The following DMD variants were observed in gnomAD, a reference collection of about 807,000 sequenced individuals.
DMD encodes mutant dystrophin.
In DMD, 63 loss-of-function variants were observed where a neutral mutation model predicts 330.1. That is an observed-to-expected ratio of 0.19 (90% CI 0.16 to 0.24). DMD has a LOEUF of 0.24. DMD is among the 10% of genes least tolerant of loss of function. DMD has a pLI of 1.00. For missense variants in DMD, 3,344 were observed against 2,684.1 expected, an observed-to-expected ratio of 1.25 and a Z score of -5.43; for synonymous variants, 1,223 against 959.8, an observed-to-expected ratio of 1.27 and a Z score of -5.07.
At chrX:33,177,176 T>C (rs1241288547) in intron 1 of DMD, among the ~76,000 whole-genome samples, 1 of 111,022 alleles carries the variant, frequency 9.0e-6, no homozygotes, top group East Asian at 2.9e-4. Context: ...GGGGCACATA[T>C]GGCCTTTCAG....
intron 60 of DMD, among the ~76,000 whole-genome samples, chrX:31,427,009 A>G (rs373021906): frequency 8.9e-6 from 1 of 112,357 alleles, no homozygotes; most frequent in Admixed American, 9.5e-5. Flanking sequence ...AATAAGGTAA[A>G]AAGGTCAAAA....
At chrX:32,007,542 T>C (rs780633695) in intron 44 of DMD, among the ~76,000 whole-genome samples, 2 of 111,243 alleles carry the variant, frequency 1.8e-5, no homozygotes, top group African/African-American at 6.5e-5. Flanking sequence ...TATTATCCTA[T>C]ATTGCCAAGT....
chrX:32,699,273 C>A lies in DMD; in HGVS notation c.670G>T (p.Asp224Tyr). The change falls in exon 8 of 79, where the codon GAT becomes TAT. Residue 224 changes from aspartate to tyrosine, a missense_variant. Physicochemically the swap from Asp to Tyr is radical, Grantham distance 160. Transcript: ENST00000357033. ...ATGTACATTAAGATGGACTTCTTAT[C>A]TGGATAGGTGGTATCAACATCTGTA... is the stretch of plus-strand genomic sequence containing the variant. The part of the protein sequence containing the change: ...DPEDVDTTYP[D>Y]KKSILMYITS... 1 of 1,208,563 alleles carries A rather than the reference C, an allele frequency of 8.3e-7. No individual in the cohort carries two copies. The highest frequency in any genetic ancestry group is 3.0e-5 in the East Asian group (1 of 33,785).
intron 64 of DMD, among the ~76,000 whole-genome samples, chrX:31,218,576 A>C (rs768605658): frequency 8.9e-6 from 1 of 111,930 alleles, no homozygotes; most frequent in African/African-American, 3.2e-5. Context: ...GCTATAAGGA[A>C]ATGGAAGCCT....
At chrX:31,805,735 T>C (rs1290894618) in intron 50 of DMD, among the ~76,000 whole-genome samples, 2 of 112,364 alleles carry the variant, frequency 1.8e-5, no homozygotes, top group African/African-American at 6.5e-5. Flanking sequence ...CATTCTATGC[T>C]AAGTAAGTGG....
At chrX:31,709,618 T>TGTG (rs1569271703) in intron 52 of DMD, among the ~76,000 whole-genome samples, 1 of 98,322 alleles carries the variant, frequency 1.0e-5, no homozygotes, top group Admixed American at 1.2e-4. Context: ...GTGTGTGTGG[T>TGTG]GTGTCAGAGA....
intron 42 of DMD, among the ~76,000 whole-genome samples, chrX:32,307,336 G>A (rs941596369): frequency 9.0e-6 from 1 of 111,536 alleles, no homozygotes; most frequent in Non-Finnish European, 1.9e-5. Flanking sequence ...TGAAGAATGA[G>A]TGAGTAGTGG....
intron 16 of DMD, among the ~76,000 whole-genome samples, chrX:32,563,706 G>A (rs180876531): frequency 1.8e-5 from 2 of 111,566 alleles, no homozygotes; most frequent in Non-Finnish European, 3.8e-5. Flanking sequence ...GTAATATTTC[G>A]ATGACATGTA....
In DMD at chrX:32,348,388, T is replaced by C. The variant is rs1298924896; in HGVS notation, c.5448+18A>G. On this transcript the variant is annotated intron_variant, in intron 38 of 78. Coordinates refer to ENST00000357033, the MANE Select transcript of DMD (RefSeq NM_004006.3). ...TTCCACTCCTAGTTCATTCACACTT[T>C]TATCACAACCAATTTACCATATCTT... 2.5e-6 allele frequency: 3 copies of C among 1,204,409 alleles called. No homozygotes were observed. Among genetic ancestry groups the C allele is most frequent in the Non-Finnish European group, 3.4e-6 (3 of 889,749 alleles).
intron 16 of DMD, among the ~76,000 whole-genome samples, chrX:32,553,792 G>A (rs1024769669): frequency 8.9e-6 from 1 of 111,978 alleles, no homozygotes; most frequent in African/African-American, 3.2e-5. Context: ...CAGTGTTGGA[G>A]GAAGGGCCTG....
At chrX:33,151,531 T>C (rs1009540762) in intron 1 of DMD, among the ~76,000 whole-genome samples, 1 of 112,164 alleles carries the variant, frequency 8.9e-6, no homozygotes, top group Non-Finnish European at 1.9e-5. Flanking sequence ...ATATGAGAGA[T>C]ACATAAATAC....
chrX:32,103,590 T>C (rs1250446879), intron 44 of DMD, among the ~76,000 whole-genome samples: 1 of 112,277 alleles, frequency 8.9e-6, no homozygotes, highest in Non-Finnish European at 1.9e-5. Flanking sequence ...TGTTTATAAA[T>C]GTTTTGCTTT....
Position 33,316,709 on chromosome X carries a change from G to T in DMD, c.7+22550C>A, listed in dbSNP as rs906570520. On this transcript the variant is annotated intron_variant, in intron 1 of 17. Transcript: ENST00000288447. ...TCTGTCTCACCACCAATATCACATT[G>T]TCTTCATTACTGTAGCTATATACTA... Among the ~76,000 whole-genome samples the T allele has an allele frequency of 3.6e-5, 4 of 110,812 alleles. No homozygotes were observed. The Admixed American group carries it at 3.9e-4, about 11-fold the overall frequency.
intron 9 of DMD, among the ~76,000 whole-genome samples, chrX:32,682,712 C>G (rs1229743094): frequency 8.9e-6 from 1 of 111,816 alleles, no homozygotes; most frequent in Non-Finnish European, 1.9e-5. Context: ...TAACACCATT[C>G]ATATTTATTT....
At chrX:32,568,066 G>T (rs918630410) in intron 15 of DMD, among the ~76,000 whole-genome samples, 1 of 112,253 alleles carries the variant, frequency 8.9e-6, no homozygotes, top group African/African-American at 3.2e-5. Flanking sequence ...GAAGAGGAGT[G>T]TGAGAATTAT....
chrX:33,137,252 C>G (rs901362614), intron 1 of DMD, among the ~76,000 whole-genome samples: 1 of 111,292 alleles, frequency 9.0e-6, no homozygotes, highest in African/African-American at 3.3e-5. Context: ...GGATTTCCAA[C>G]CACTTTAACT....
At chrX:31,569,757 TA>T (rs2147932291) in intron 55 of DMD, among the ~76,000 whole-genome samples, 1 of 107,399 alleles carries the variant, frequency 9.3e-6, no homozygotes, top group East Asian at 2.9e-4. Flanking sequence ...AATGATCTAA[TA>T]AAATGTTTTA....
chrX:32,518,227 A>G (rs72468689), intron 17 of DMD, 96 bp from the exon 18 acceptor site: 11,198 of 872,589 alleles, frequency 0.013, 140 homozygotes, highest in Admixed American at 0.078. Context: ...TCTTTTCTCA[A>G]TCTGAGACTC....
intron 50 of DMD, among the ~76,000 whole-genome samples, chrX:31,787,060 G>A (rs184520988): frequency 6.0e-4 from 67 of 112,103 alleles, no homozygotes; most frequent in Non-Finnish European, 1.1e-3. Context: ...TCAGGCATTC[G>A]ATAGTAGAAT....
Sources: allele counts gnomAD v4.1 joint callset (sites outside exome capture counted in the v4.1 genomes callset), GRCh38; gene constraint gnomAD v4.1.1; transcripts MANE v1.5; gene names NCBI Gene and HGNC (gene_info 2026-07-23, HGNC 2026-07-21).